CDON: variants seen among roughly 807,000 people sequenced by gnomAD.
The protein encoded by CDON is cell adhesion associated, oncogene regulated, also known as cell adhesion molecule-related/down-regulated by oncogenes.
Under a neutral mutation model 120.9 loss-of-function variants are expected in CDON, and 73 were observed. That is an observed-to-expected ratio of 0.60 (90% confidence interval 0.50 to 0.73). The LOEUF (loss-of-function observed/expected upper bound fraction) is 0.73. Among genes scored for constraint, CDON ranks in the 30% least tolerant of loss-of-function variants. The pLI, the probability that CDON is intolerant of heterozygous loss-of-function variation, is 0.00. For synonymous variants in CDON, 566 were observed against 573.5 expected (o/e 0.99, Z 0.19); for missense variants, 1,470 against 1,587.3 (o/e 0.93, Z 1.26).
At chr11:126,003,423 C>A (rs975888699) in intron 10 of CDON, among the ~76,000 whole-genome samples, 1 of 152,130 alleles carries the variant, frequency 6.6e-6, no homozygotes, top group Non-Finnish European at 1.5e-5. Context: ...GTGGAATATT[C>A]TATAGAATAG....
At chr11:125,984,593 A>G (rs1489379840) in intron 15 of CDON, among the ~76,000 whole-genome samples, 1 of 151,538 alleles carries the variant, frequency 6.6e-6, no homozygotes, top group African/African-American at 2.4e-5. Context: ...GCTACTGGGG[A>G]GGCTGAGGCA....
intron 18 of CDON, among the ~76,000 whole-genome samples, chr11:125,973,890 TTA>T (rs1323175601): frequency 6.6e-6 from 1 of 152,148 alleles, no homozygotes; most frequent in African/African-American, 2.4e-5. Flanking sequence ...TTTTTATTAT[TTA>T]TGTCATTTTT....
chr11:125,970,136 G>A (rs1253331285), intron 18 of CDON, among the ~76,000 whole-genome samples: 1 of 149,648 alleles, frequency 6.7e-6, no homozygotes, highest in African/African-American at 2.5e-5. Flanking sequence ...ATATTCTTGA[G>A]ACTTCGGAAA....
At chr11:126,047,887 C>T (rs1004230741) in intron 1 of CDON, among the ~76,000 whole-genome samples, 1 of 152,224 alleles carries the variant, frequency 6.6e-6, no homozygotes, top group Admixed American at 6.5e-5. Context: ...ACAAATTCTA[C>T]ATGCTACGTT....
chr11:126,033,065 T>A (rs1282033259), intron 1 of CDON, among the ~76,000 whole-genome samples: 1 of 152,184 alleles, frequency 6.6e-6, no homozygotes, highest in Non-Finnish European at 1.5e-5. Flanking sequence ...CACTAGGACC[T>A]AGGACATCTT....
At chr11:126,041,019 T>C (rs572278481) in intron 1 of CDON, among the ~76,000 whole-genome samples, 39 of 149,592 alleles carry the variant, frequency 2.6e-4, no homozygotes, top group African/African-American at 9.1e-4. Context: ...TGAAAACCCG[T>C]CTCCACTAAA....
intron 5 of CDON, 88 bp from the exon 6 acceptor site, chr11:126,017,463 C>A: frequency 7.8e-7 from 1 of 1,281,194 alleles, no homozygotes; most frequent in East Asian, 2.4e-5. Context: ...ACCATTTTCC[C>A]ATGTATTCTT....
intron 3 of CDON, 102 bp downstream of exon 3, chr11:126,021,146 T>C: frequency 7.9e-7 from 1 of 1,260,138 alleles, no homozygotes; most frequent in African/African-American, 1.5e-5. Context: ...AACTCCTATA[T>C]GCTTTACACC....
At chr11:126,038,400 C>T (rs1948160341) in intron 1 of CDON, among the ~76,000 whole-genome samples, 2 of 152,106 alleles carry the variant, frequency 1.3e-5, no homozygotes, top group African/African-American at 4.8e-5. Flanking sequence ...GCCTGCAATC[C>T]CAGCACTTAG....
intron 1 of CDON, among the ~76,000 whole-genome samples, chr11:126,058,854 T>C (rs1482500800): frequency 6.6e-6 from 1 of 152,196 alleles, no homozygotes; most frequent in East Asian, 1.9e-4. Flanking sequence ...TTCTCAAAAA[T>C]TTTGCTCCAA....
Position 125,961,895 on chromosome 11 carries a change from G to A in CDON, c.3460C>T (p.His1154Tyr). 1 of 1,614,182 alleles carries A rather than the reference G, an allele frequency of 6.2e-7. No individual in the cohort carries two copies. Among genetic ancestry groups the A allele is most frequent in the Non-Finnish European group, 8.5e-7 (1 of 1,180,018 alleles). ...GTCAGGCATACAGGCACCTTCACGT[G>A]ACTGAGGGGCTTCATTTCCAAACCA... is the stretch of plus-strand genomic sequence containing the variant. The part of the protein sequence containing the change: ...QDGLEMKPLS[H>Y]VKVPVCLTSA... The change falls in exon 19 of 20, where the codon CAC (histidine) becomes TAC (tyrosine). Residue 1154 changes from histidine (H) to tyrosine (Y), a missense_variant. Transcript: ENST00000531738.
At chr11:125,980,367 C>T (rs943813618) in intron 17 of CDON, among the ~76,000 whole-genome samples, 3 of 152,150 alleles carry the variant, frequency 2.0e-5, no homozygotes, top group African/African-American at 7.2e-5. Flanking sequence ...TTACCAGCCA[C>T]AACAACAAAA....
In CDON at chr11:125,958,914, CA is replaced by C. The variant is rs1945563969; in HGVS notation, c.*2027del. ...ATTGCTGTAACTTGATTGGCTAACA[CA>C]GGGTATGTTTTCATATTCTGTGCGC... On this transcript the variant is annotated 3_prime_UTR_variant, in exon 20 of 20. Coordinates refer to ENST00000531738, the MANE Select transcript of CDON (RefSeq NM_001378964.1). The C allele has an allele frequency of 6.6e-6, 1 of 152,194 alleles. No individual in the cohort carries two copies. Among genetic ancestry groups the C allele is most frequent in the African/African-American group, 2.4e-5 (1 of 41,436 alleles). 9.4% of individuals were successfully genotyped at this position (152,194 alleles called of 1,614,324 possible). A position where few individuals can be genotyped will look rare whatever the true frequency, so the allele number is the denominator to read the frequency against.
At chr11:126,018,272 C>G in intron 5 of CDON, 58 bp downstream of exon 5, 2 of 1,557,744 alleles carry the variant, frequency 1.3e-6, no homozygotes, top group Non-Finnish European at 1.8e-6. Context: ...CTATCATTGC[C>G]CAACTTTTTA....
intron 4 of CDON, 47 bp downstream of exon 4, chr11:126,019,572 G>C (rs746465867): frequency 2.5e-6 from 4 of 1,604,646 alleles, no homozygotes; most frequent in Admixed American, 3.3e-5. Flanking sequence ...CTTATTTAAT[G>C]AGCATTTGTT....
intron 1 of CDON, among the ~76,000 whole-genome samples, chr11:126,049,074 AATT>A (rs1273945540): frequency 6.6e-5 from 10 of 152,206 alleles, no homozygotes; most frequent in Admixed American, 3.3e-4. Context: ...AGACCTGAAA[AATT>A]ATTATTTTTA....
At chr11:126,005,171 G>A (rs552973205) in intron 9 of CDON, among the ~76,000 whole-genome samples, 1 of 152,164 alleles carries the variant, frequency 6.6e-6, no homozygotes, top group Admixed American at 6.5e-5. Flanking sequence ...GTGTGGTAGT[G>A]CATGCCTGCA....
chr11:126,021,358 C>G lies in CDON; in HGVS notation c.239G>C (p.Gly80Ala). The change falls in exon 3 of 20, where the codon GGG (glycine) becomes GCG (alanine). Residue 80 changes from glycine to alanine, a missense_variant. By Grantham distance (60) the Gly-to-Ala change is moderately conservative (BLOSUM62 0). Transcript: ENST00000531738. ...GTTGAGAGAAAGAATTGTCAGAGTC[C>G]CCTGATGAATCTTAACATGTTCCAG... ...GNLEHVKIHQGTLTILSLNSS... is the reference protein window; with the variant it reads ...GNLEHVKIHQATLTILSLNSS... The G allele has an allele frequency of 6.2e-7, 1 of 1,614,044 alleles. No individual in the cohort carries two copies. The highest frequency in any genetic ancestry group is 8.5e-7 in the Non-Finnish European group (1 of 1,180,000).
chr11:125,961,871 T>A lies in CDON; in HGVS notation c.3484A>T (p.Thr1162Ser). The change falls in exon 19 of 20, where the codon ACT (threonine) becomes TCT (serine). Residue 1162 changes from threonine to serine, a missense_variant. Coordinates refer to ENST00000531738, the MANE Select transcript of CDON (RefSeq NM_001378964.1). The stretch of plus-strand genomic sequence containing the variant: ...TGGCCACAATCAGGGACTGCGGAAG[T>A]CAGGCATACAGGCACCTTCACGTGA... Reference protein sequence around the residue: ...LSHVKVPVCLTSAVPDCGQLP... With the variant: ...LSHVKVPVCLSSAVPDCGQLP... The A allele has an allele frequency of 1.2e-6, 2 of 1,614,186 alleles. No individual in the cohort carries two copies. The highest frequency in any genetic ancestry group is 1.7e-6 in the Non-Finnish European group (2 of 1,180,034).
Sources: allele counts gnomAD v4.1 joint callset (sites outside exome capture counted in the v4.1 genomes callset), GRCh38; gene constraint gnomAD v4.1.1; transcripts MANE v1.5; gene names NCBI Gene and HGNC (gene_info 2026-07-23, HGNC 2026-07-21).